Variants in ABTB3 observed in about 807,000 individuals in gnomAD.
ABTB3 encodes the protein ankyrin repeat- and BTB/POZ domain-containing protein 3.
At chr12:107,370,906 A>G in the ABTB3 span, among the ~76,000 whole-genome samples, 1 of 151,606 alleles carries the variant, frequency 6.6e-6, no homozygotes, top group Non-Finnish European at 1.5e-5. Context: ...GACCCAGCAC[A>G]CTGGCCAAGA....
chr12:107,397,876 G>T, the ABTB3 span, among the ~76,000 whole-genome samples: 1 of 152,098 alleles, frequency 6.6e-6, no homozygotes, highest in Non-Finnish European at 1.5e-5. Flanking sequence ...CGTTTCCACG[G>T]TGTCTTGTAA....
the ABTB3 span, among the ~76,000 whole-genome samples, chr12:107,550,226 C>G: frequency 1.3e-5 from 2 of 152,156 alleles, no homozygotes; most frequent in Non-Finnish European, 2.9e-5. Flanking sequence ...GCAGAGATCT[C>G]ACAGCCACTA....
At chr12:107,398,132 T>C in the ABTB3 span, among the ~76,000 whole-genome samples, 5 of 152,110 alleles carry the variant, frequency 3.3e-5, no homozygotes, top group Admixed American at 1.3e-4. Flanking sequence ...TTACACAGCC[T>C]GGCCACCTTG....
the ABTB3 span, among the ~76,000 whole-genome samples, chr12:107,556,573 G>C: frequency 6.6e-6 from 1 of 152,236 alleles, no homozygotes; most frequent in South Asian, 2.1e-4. Flanking sequence ...GGTATAGAGA[G>C]AGGGCAGAAG....
At chr12:107,353,710 G>A in the ABTB3 span, among the ~76,000 whole-genome samples, 10 of 152,286 alleles carry the variant, frequency 6.6e-5, no homozygotes, top group East Asian at 1.7e-3. Flanking sequence ...CAGTGTACAA[G>A]TGAGCATTAC....
the ABTB3 span, among the ~76,000 whole-genome samples, chr12:107,360,930 ATTTTTT>A: frequency 4.7e-5 from 4 of 84,452 alleles, no homozygotes; most frequent in South Asian, 9.1e-4. Flanking sequence ...ATTTAATTTA[ATTTTTT>A]TTTTTTTTTT....
At chr12:107,424,034 C>T in the ABTB3 span, among the ~76,000 whole-genome samples, 1 of 152,220 alleles carries the variant, frequency 6.6e-6, no homozygotes, top group African/African-American at 2.4e-5. Flanking sequence ...TTCCTACCCA[C>T]CATGGCACCA....
the ABTB3 span, among the ~76,000 whole-genome samples, chr12:107,548,188 C>CTCTCTCCA: frequency 9.2e-5 from 9 of 97,694 alleles, no homozygotes; most frequent in African/African-American, 2.7e-4. Context: ...CTCCTCTCTC[C>CTCTCTCCA]TGTGTTCTTT....
chr12:107,529,575 A>C, the ABTB3 span, among the ~76,000 whole-genome samples: 2 of 152,328 alleles, frequency 1.3e-5, no homozygotes, highest in South Asian at 4.1e-4. Flanking sequence ...TAAATGCTTT[A>C]TATGCATTTC....
At chr12:107,566,522 G>A in the ABTB3 span, among the ~76,000 whole-genome samples, 5 of 152,170 alleles carry the variant, frequency 3.3e-5, no homozygotes, top group African/African-American at 9.7e-5. Flanking sequence ...AAGGAAGACT[G>A]CTGTAGCAGA....
chr12:107,615,290 A>C, the ABTB3 span: 1 of 679,356 alleles, frequency 1.5e-6, no homozygotes, highest in East Asian at 2.8e-5. Context: ...TCAATATAGT[A>C]TATTCATATC....
chr12:107,579,604 CA>C, the ABTB3 span, among the ~76,000 whole-genome samples: 7 of 152,200 alleles, frequency 4.6e-5, no homozygotes, highest in Admixed American at 2.0e-4. Context: ...CACCTGCCAC[CA>C]AAAACTTTCT....
chr12:107,421,794 A>C, the ABTB3 span, among the ~76,000 whole-genome samples: 1 of 152,170 alleles, frequency 6.6e-6, no homozygotes, highest in Non-Finnish European at 1.5e-5. Flanking sequence ...CAATCTCTTC[A>C]TTGTGCAGAT....
At chr12:107,620,699 G>A in the ABTB3 span, among the ~76,000 whole-genome samples, 7 of 152,146 alleles carry the variant, frequency 4.6e-5, no homozygotes, top group South Asian at 6.2e-4. Flanking sequence ...AGGCTTTTCC[G>A]GTCGAGAGGG....
chr12:107,583,581 G>C, the ABTB3 span, among the ~76,000 whole-genome samples: 1 of 152,182 alleles, frequency 6.6e-6, no homozygotes, highest in Non-Finnish European at 1.5e-5. Flanking sequence ...CTTCTGGATG[G>C]CTCTGTCCCT....
At chr12:107,543,469 G>A in the ABTB3 span, among the ~76,000 whole-genome samples, 9 of 152,112 alleles carry the variant, frequency 5.9e-5, no homozygotes, top group African/African-American at 1.4e-4. Flanking sequence ...ATGATCAGTA[G>A]GAGTTAGCCT....
At chr12:107,580,721 G>C in the ABTB3 span, 1 of 1,158,684 alleles carries the variant, frequency 8.6e-7, no homozygotes, top group Non-Finnish European at 1.2e-6. Flanking sequence ...CCTTAGGCTT[G>C]GGTCCACAAT....
At chr12:107,564,090 C>CTCTGTGTGTG in the ABTB3 span, among the ~76,000 whole-genome samples, 36 of 126,440 alleles carry the variant, frequency 2.8e-4, no homozygotes, top group African/African-American at 7.0e-4. Context: ...ATCTATCTCT[C>CTCTGTGTGTG]TGTGTGTGTG....
the ABTB3 span, among the ~76,000 whole-genome samples, chr12:107,337,258 TTGCAC>T: frequency 6.6e-6 from 1 of 152,162 alleles, no homozygotes; most frequent in Non-Finnish European, 1.5e-5. Context: ...TTGTATGGGG[TTGCAC>T]AGCTGCTGGC....
Sources: allele counts gnomAD v4.1 joint callset (sites outside exome capture counted in the v4.1 genomes callset), GRCh38; gene constraint gnomAD v4.1.1; transcripts MANE v1.5; gene names NCBI Gene and HGNC (gene_info 2026-07-23, HGNC 2026-07-21).